Variants in PLBD1 observed in about 807,000 individuals in gnomAD.
The protein encoded by PLBD1 is phospholipase B domain containing 1.
PLBD1 carries 60 observed loss-of-function variants against 63.0 expected under a neutral mutation model. The ratio of observed to expected loss-of-function variants is 0.95; its 90% CI spans 0.77 to 1.18. PLBD1 has a LOEUF of 1.18. Among genes scored for constraint, PLBD1 ranks in the 50% most tolerant of loss-of-function variants. The pLI, the probability that PLBD1 is intolerant of heterozygous loss-of-function variation, is 0.00. For missense variants in PLBD1, 598 were observed against 677.9 expected, an observed-to-expected ratio of 0.88 and a Z score of 1.31; for synonymous variants, 262 against 248.0, an observed-to-expected ratio of 1.06 and a Z score of -0.53.
intron 6 of PLBD1, among the ~76,000 whole-genome samples, chr12:14,533,910 G>C (rs1021028838): frequency 6.6e-6 from 1 of 152,230 alleles, no homozygotes; most frequent in African/African-American, 2.4e-5. Context: ...TTGGGAGGCT[G>C]AGGCTGGAGG....
intron 1 of PLBD1, among the ~76,000 whole-genome samples, chr12:14,562,400 C>G (rs1006143749): frequency 2.2e-5 from 3 of 133,494 alleles, no homozygotes; most frequent in African/African-American, 5.6e-5. Context: ...GTGGAGGTCA[C>G]AGTGAGTTGA....
intron 2 of PLBD1, among the ~76,000 whole-genome samples, chr12:14,546,212 G>A (rs1945614917): frequency 6.6e-6 from 1 of 151,882 alleles, no homozygotes; most frequent in African/African-American, 2.4e-5. Context: ...CCAGCACTTG[G>A]GTGGTTGAGG....
chr12:14,512,541 T>G (rs1945306498), intron 6 of PLBD1, among the ~76,000 whole-genome samples: 2 of 152,216 alleles, frequency 1.3e-5, no homozygotes, highest in African/African-American at 4.8e-5. Flanking sequence ...TGGTCAATGC[T>G]TTTTTATAAA....
chr12:14,507,922 C>G (rs571249551), intron 8 of PLBD1, among the ~76,000 whole-genome samples: 1 of 152,268 alleles, frequency 6.6e-6, no homozygotes, highest in East Asian at 1.9e-4. Flanking sequence ...GCCTACAGAA[C>G]AGTCAAGGAA....
At chr12:14,538,275 C>T (rs2136922134) in intron 4 of PLBD1, among the ~76,000 whole-genome samples, 1 of 152,174 alleles carries the variant, frequency 6.6e-6, no homozygotes, top group South Asian at 2.1e-4. Context: ...CTCACTGCAA[C>T]CTCCGCATCC....
intron 6 of PLBD1, 147 bp downstream of exon 6, chr12:14,535,512 T>G (rs2136920166): frequency 1.1e-6 from 1 of 908,096 alleles, no homozygotes; most frequent in East Asian, 2.7e-5. Flanking sequence ...GCTATATTTC[T>G]TCAAAAGCCC....
chr12:14,567,624 GC>G lies in PLBD1; in HGVS notation c.72del (p.Leu25CysfsTer5), dbSNP rs1945804375. The G allele has an allele frequency of 4.7e-6, 5 of 1,062,754 alleles. No homozygotes were observed. In the Admixed American group the frequency reaches 1.8e-4, roughly 38 times the overall value. 65.8% of individuals were successfully genotyped at this position (1,062,754 alleles called of 1,614,324 possible). A position where few individuals can be genotyped will look rare whatever the true frequency, so the allele number is the denominator to read the frequency against. On this transcript the variant is annotated frameshift_variant, in exon 1 of 11. Coordinates refer to ENST00000240617, the MANE Select transcript of PLBD1 (RefSeq NM_024829.6). LOFTEE classifies it high-confidence loss of function. ...QPPPLLLLLL[L>X]LPLLLVTAEP... ...TCCGCGGTGACTAACAACAGCGGCA[GC>G]AGCAGCAGCAGCAGCAGAAGCGGTG...
At chr12:14,546,867 C>G (rs1010753758) in intron 2 of PLBD1, among the ~76,000 whole-genome samples, 1 of 151,962 alleles carries the variant, frequency 6.6e-6, no homozygotes, top group African/African-American at 2.4e-5. Flanking sequence ...AATTTTTCTT[C>G]TGGTTTCTTT....
In PLBD1 at chr12:14,506,166, G is replaced by A. The variant is rs1945253534; in HGVS notation, c.1475C>T (p.Thr492Ile). Residue 492 changes from threonine (T) to isoleucine (I), a missense_variant, in exon 10 of 11, where the codon ACA (threonine) becomes ATA (isoleucine). By Grantham distance (89) the Thr-to-Ile change is moderately conservative. Transcript: ENST00000240617. Reference sequence around the variant, plus strand: ...CAAAAGCCAATAGCATGTTACCTTTGTGTCATAACAACCTCCAGGACTTGG... The same window carrying A: ...CAAAAGCCAATAGCATGTTACCTTTATGTCATAACAACCTCCAGGACTTGG... ...PNPSPGGCYD[T>I]KVADIYLASQ... The A allele has an allele frequency of 1.3e-5, 21 of 1,600,756 alleles. No homozygotes were observed. The highest frequency in any genetic ancestry group is 1.7e-5 in the Non-Finnish European group (20 of 1,170,110).
intron 6 of PLBD1, among the ~76,000 whole-genome samples, chr12:14,534,604 A>T (rs12297333): frequency 0.9 from 134,178 of 149,114 alleles, 61,469 homozygotes; most frequent in East Asian, 0.99. Flanking sequence ...AGTGCAGTGG[A>T]GTGATCTCCG....
chr12:14,534,807 G>T (rs1319786605), intron 6 of PLBD1, among the ~76,000 whole-genome samples: 1 of 152,208 alleles, frequency 6.6e-6, no homozygotes, highest in Admixed American at 6.5e-5. Context: ...CTCCCAAAGT[G>T]TTGGGATTAT....
At chr12:14,510,191 A>G (rs1250870460) in intron 8 of PLBD1, among the ~76,000 whole-genome samples, 6 of 152,168 alleles carry the variant, frequency 3.9e-5, no homozygotes, top group Admixed American at 3.9e-4. Context: ...TGAGGTCAGG[A>G]GTTCAACCTG....
At chr12:14,539,106 ACAGTATCC>A (rs1945544465) in intron 4 of PLBD1, among the ~76,000 whole-genome samples, 1 of 152,174 alleles carries the variant, frequency 6.6e-6, no homozygotes, top group Non-Finnish European at 1.5e-5. Flanking sequence ...TAGGTGCAAA[ACAGTATCC>A]CATTGTAATT....
At chr12:14,538,631 T>G (rs1265011439) in intron 4 of PLBD1, among the ~76,000 whole-genome samples, 1 of 152,238 alleles carries the variant, frequency 6.6e-6, no homozygotes, top group African/African-American at 2.4e-5. Context: ...TCTTGGACGC[T>G]TCATTTTGCT....
chr12:14,566,476 A>G (rs1945783023), intron 1 of PLBD1, among the ~76,000 whole-genome samples: 1 of 152,172 alleles, frequency 6.6e-6, no homozygotes, highest in African/African-American at 2.4e-5. Context: ...AGACAAAATT[A>G]ATTCTCTTAT....
At position 14,534,785 on chromosome 12, in the gene PLBD1, G is replaced by A. The variant is rs143260894; in HGVS notation, c.844+874C>T. 7.5e-3 allele frequency among the ~76,000 whole-genome samples: 1,148 copies of A among 152,144 alleles called. 26 individuals are homozygous for A. The highest frequency in any genetic ancestry group is 0.026 in the African/African-American group (1,100 of 41,532). Reference sequence around the variant, plus strand: ...TCTCAATCTCCTGACCTCGTGATCCGCCCACCTTGGCCTCCCAAAGTGTTG... The same window carrying A: ...TCTCAATCTCCTGACCTCGTGATCCACCCACCTTGGCCTCCCAAAGTGTTG... On this transcript the variant is annotated intron_variant, in intron 6 of 10. Transcript: ENST00000240617.
At chr12:14,554,035 C>G in intron 1 of PLBD1, 1 of 153,990 alleles carries the variant, frequency 6.5e-6, no homozygotes, top group East Asian at 1.9e-4. Flanking sequence ...TTCTTCCATT[C>G]CCCTTAACAG....
intron 10 of PLBD1, among the ~76,000 whole-genome samples, chr12:14,504,698 T>G (rs1461579323): frequency 6.6e-6 from 1 of 151,944 alleles, no homozygotes; most frequent in African/African-American, 2.4e-5. Flanking sequence ...GTAACAAGAG[T>G]CTGAAAGTAG....
chr12:14,509,719 C>T (rs1945281801), intron 8 of PLBD1, among the ~76,000 whole-genome samples: 1 of 152,076 alleles, frequency 6.6e-6, no homozygotes, highest in Non-Finnish European at 1.5e-5. Context: ...CCGTTCTGTC[C>T]CTATTCATCT....
Sources: gnomAD v4.1 joint callset for allele counts (sites outside exome capture counted in the v4.1 genomes callset) on GRCh38, gnomAD v4.1.1 for gene constraint, MANE v1.5 for transcripts, NCBI Gene and HGNC (gene_info 2026-07-23, HGNC 2026-07-21) for gene names.